ARHGEF4: variants seen among roughly 807,000 people sequenced by gnomAD.
ARHGEF4 encodes APC-stimulated guanine nucleotide exchange factor 1.
A neutral mutation model predicts 162.0 loss-of-function variants in ARHGEF4; 119 were observed. The ratio of observed to expected loss-of-function variants is 0.73; its 90% CI spans 0.63 to 0.86. ARHGEF4 has a LOEUF of 0.86. Ranked by LOEUF, ARHGEF4 falls within the 40% of genes least tolerant of loss-of-function variation. The probability of loss-of-function intolerance (pLI) is 0.00; values close to 1 mark genes in which losing one functional copy is unlikely to be tolerated. For synonymous variants in ARHGEF4, 1,014 were observed against 979.9 expected, an observed-to-expected ratio of 1.03 and a Z score of -0.65; for missense variants, 2,488 against 2,456.0, an observed-to-expected ratio of 1.01 and a Z score of -0.28.
rs184303725 is a variant in ARHGEF4, at chr2:130,973,727, C to G, written c.3985+27092C>G. Among the ~76,000 whole-genome samples the G allele has an allele frequency of 5.3e-4, 81 of 152,270 alleles. 1 individual carries two copies. Among genetic ancestry groups the G allele is most frequent in the Non-Finnish European group, 7.6e-4 (52 of 68,030 alleles). On this transcript the variant is annotated intron_variant, in intron 4 of 13. Coordinates refer to ENST00000409359, the MANE Select transcript of ARHGEF4 (RefSeq NM_001367493.1). ...AGGCTCAGCATCTCTTCCAATTCGA[C>G]AGCTCTTCCCATTCAGCTAATCAGC... is the stretch of plus-strand genomic sequence containing the variant.
intron 2 of ARHGEF4, among the ~76,000 whole-genome samples, chr2:130,924,177 G>A (rs1054815109): frequency 5.9e-5 from 9 of 151,922 alleles, no homozygotes; most frequent in South Asian, 2.1e-4. Context: ...CACCGCTCCC[G>A]GCCTAGCTGC....
chr2:130,933,003 GC>G (rs1310263135), intron 3 of ARHGEF4, among the ~76,000 whole-genome samples: 3 of 152,032 alleles, frequency 2.0e-5, no homozygotes, highest in Non-Finnish European at 4.4e-5. Context: ...ATCACTTAAG[GC>G]CAGAAGTTCG....
intron 4 of ARHGEF4, among the ~76,000 whole-genome samples, chr2:130,977,655 G>T (rs576313686): frequency 3.3e-5 from 5 of 151,790 alleles, no homozygotes; most frequent in Admixed American, 3.3e-4. Context: ...TGCATGTGTC[G>T]TGTATGTATG....
At chr2:130,906,369 T>C (rs1680812632) in intron 1 of ARHGEF4, among the ~76,000 whole-genome samples, 1 of 152,246 alleles carries the variant, frequency 6.6e-6, no homozygotes, top group Non-Finnish European at 1.5e-5. Flanking sequence ...ATATTTATGT[T>C]GTTTCATTAT....
intron 1 of ARHGEF4, among the ~76,000 whole-genome samples, chr2:130,866,531 C>G (rs1361819423): frequency 6.6e-6 from 1 of 152,088 alleles, no homozygotes; most frequent in Non-Finnish European, 1.5e-5. Context: ...TGTAGATGTT[C>G]TTTATCAAGG....
At chr2:130,899,012 A>C (rs6727787) in intron 1 of ARHGEF4, among the ~76,000 whole-genome samples, 1 of 151,902 alleles carries the variant, frequency 6.6e-6, no homozygotes, top group Non-Finnish European at 1.5e-5. Context: ...TCAGTTGTGC[A>C]TGTAGCCCCT....
At chr2:130,945,993 C>A (rs1291938196) in intron 3 of ARHGEF4, among the ~76,000 whole-genome samples, 1 of 152,072 alleles carries the variant, frequency 6.6e-6, no homozygotes, top group Non-Finnish European at 1.5e-5. Context: ...TCAAGAGGGG[C>A]CAGGTTTATC....
intron 3 of ARHGEF4, among the ~76,000 whole-genome samples, chr2:130,942,959 T>C (rs1002195545): frequency 2.0e-5 from 3 of 152,190 alleles, no homozygotes; most frequent in African/African-American, 7.2e-5. Context: ...TTAGTTCCAG[T>C]TGGTTGATGG....
At chr2:130,930,791 A>G (rs1558735003) in intron 2 of ARHGEF4, among the ~76,000 whole-genome samples, 161 bp from the exon 3 acceptor site, 4 of 152,344 alleles carry the variant, frequency 2.6e-5, no homozygotes, top group Middle Eastern at 3.4e-3. Context: ...CACATTTTCC[A>G]AAATGACTGT....
Position 131,044,491 on chromosome 2 carries a change from C to A in ARHGEF4, c.5350C>A (p.Leu1784Ile). The change falls in exon 12 of 14, where the codon CTC becomes ATC. Residue 1784 changes from leucine to isoleucine, a missense_variant. Leu to Ile is a conservative substitution (Grantham distance 5, BLOSUM62 2). Coordinates refer to ENST00000409359, the MANE Select transcript of ARHGEF4 (RefSeq NM_001367493.1). ...TRKPEQKQRW[L>I]KAFAREREQV... ...GAAGCCCGAGCAGAAGCAGCGCTGG[C>A]TCAAGGCCTTTGCCAGGGAGAGGGA... The A allele has an allele frequency of 6.4e-7, 1 of 1,552,332 alleles. No homozygotes were observed. The highest frequency in any genetic ancestry group is 1.2e-5 in the South Asian group (1 of 84,142).
rs183933309 is a variant in ARHGEF4, at chr2:130,886,491, A to G, written c.40-27495A>G. Among the ~76,000 whole-genome samples, 613 of 151,910 alleles carry G rather than the reference A, an allele frequency of 4.0e-3. 10 individuals are homozygous for G. The highest frequency in any genetic ancestry group is 0.014 in the African/African-American group (574 of 41,284). ...TCAGGAGATCGAGACTATCCTGGCTAACATGGTGAAACCCCTTCTCTACTA... is the reference window on the plus strand; with the variant it reads ...TCAGGAGATCGAGACTATCCTGGCTGACATGGTGAAACCCCTTCTCTACTA... On this transcript the variant is annotated intron_variant, in intron 1 of 13. Coordinates refer to ENST00000409359, the MANE Select transcript of ARHGEF4 (RefSeq NM_001367493.1).
chr2:130,901,172 C>G (rs548393620), intron 1 of ARHGEF4, among the ~76,000 whole-genome samples: 1 of 152,274 alleles, frequency 6.6e-6, no homozygotes, highest in East Asian at 1.9e-4. Context: ...GTGGAGACTT[C>G]TCCACTGTTG....
chr2:130,856,778 A>T (rs1406248757), intron 1 of ARHGEF4, among the ~76,000 whole-genome samples: 3 of 152,110 alleles, frequency 2.0e-5, no homozygotes, highest in African/African-American at 7.3e-5. Flanking sequence ...CGTTGTGCAC[A>T]TGTACCCTAA....
chr2:130,924,994 G>A (rs1682143594), intron 2 of ARHGEF4, among the ~76,000 whole-genome samples: 2 of 150,236 alleles, frequency 1.3e-5, no homozygotes, highest in Admixed American at 6.6e-5. Flanking sequence ...TCTAACTTTG[G>A]TGGCAAGATT....
chr2:130,961,747 A>AC (rs1447052433), intron 4 of ARHGEF4, among the ~76,000 whole-genome samples: 1 of 151,948 alleles, frequency 6.6e-6, no homozygotes, highest in Non-Finnish European at 1.5e-5. Context: ...TTGAAGGTAG[A>AC]CCCCACAAGA....
intron 4 of ARHGEF4, chr2:130,963,995 C>G: frequency 9.5e-6 from 1 of 105,494 alleles, no homozygotes; most frequent in South Asian, 2.5e-4. Flanking sequence ...GCACCGCCGC[C>G]CCCGGCCCAG....
intron 1 of ARHGEF4, among the ~76,000 whole-genome samples, chr2:130,864,535 G>T (rs1414143051): frequency 6.6e-6 from 1 of 152,162 alleles, no homozygotes; most frequent in Non-Finnish European, 1.5e-5. Flanking sequence ...GACCAACCTG[G>T]CCAACATGGG....
At chr2:130,971,083 T>G (rs1685331208) in intron 4 of ARHGEF4, among the ~76,000 whole-genome samples, 1 of 152,224 alleles carries the variant, frequency 6.6e-6, no homozygotes, top group Admixed American at 6.5e-5. Flanking sequence ...TATTTTGAGT[T>G]AATTTTTTAA....
chr2:130,965,385 G>C (rs1446956344), intron 4 of ARHGEF4, among the ~76,000 whole-genome samples: 1 of 152,268 alleles, frequency 6.6e-6, no homozygotes, highest in East Asian at 1.9e-4. Context: ...TCATCTGCCC[G>C]TTCCCAAAAC....
Sources: allele counts gnomAD v4.1 joint callset (sites outside exome capture counted in the v4.1 genomes callset), GRCh38; gene constraint gnomAD v4.1.1; transcripts MANE v1.5; gene names NCBI Gene and HGNC (gene_info 2026-07-23, HGNC 2026-07-21).